Variants in NFATC2IP observed in about 807,000 individuals in gnomAD.
NFATC2IP encodes the protein nuclear factor of activated T cells 2 interacting protein.
Under a neutral mutation model 40.2 loss-of-function variants are expected in NFATC2IP, and 25 were observed. That is an observed-to-expected ratio of 0.62 (90% confidence interval 0.45 to 0.87). The LOEUF (loss-of-function observed/expected upper bound fraction) is 0.87. NFATC2IP is among the 40% of genes least tolerant of loss of function. The pLI is 0.00. For synonymous variants in NFATC2IP, 241 were observed against 236.3 expected (o/e 1.02, Z -0.18); for missense variants, 553 against 555.6 (o/e 1.00, Z 0.05).
intron 2 of NFATC2IP, chr16:28,952,760 T>A (rs938413279): frequency 3.4e-5 from 5 of 147,326 alleles, no homozygotes; most frequent in Admixed American, 2.0e-4. Flanking sequence ...TTTTTTTTTT[T>A]AGACAGAGTT....
chr16:28,963,867 C>T lies in NFATC2IP; in HGVS notation c.*4C>T, dbSNP rs763727813. On this transcript the variant is annotated 3_prime_UTR_variant, in exon 8 of 8. Coordinates refer to ENST00000320805, the MANE Select transcript of NFATC2IP (RefSeq NM_032815.4). ...CCTCATTGAGGTCTGGGGCTGACAC[C>T]CCACTCCCTGTTTGACGGCCCAGCC... 1.2e-6 allele frequency: 2 copies of T among 1,613,736 alleles called. No individual in the cohort carries two copies. The highest frequency in any genetic ancestry group is 1.7e-6 in the Non-Finnish European group (2 of 1,179,774).
intron 2 of NFATC2IP, 31 bp from the exon 3 acceptor site, chr16:28,954,534 C>A: frequency 6.7e-7 from 1 of 1,484,856 alleles, no homozygotes; most frequent in East Asian, 2.3e-5. Flanking sequence ...CTTGGATAAC[C>A]CCCTTCTACC....
intron 5 of NFATC2IP, chr16:28,956,569 G>A (rs1009165682): frequency 3.7e-6 from 2 of 544,154 alleles, no homozygotes; most frequent in Admixed American, 3.3e-5. Flanking sequence ...ATTCTTCAAG[G>A]CTCCTCATAA....
chr16:28,963,420 G>A (rs1221883878), intron 7 of NFATC2IP, among the ~76,000 whole-genome samples: 2 of 152,156 alleles, frequency 1.3e-5, no homozygotes, highest in Admixed American at 6.5e-5. Flanking sequence ...AGGCTAGGAG[G>A]ACTTGCCTGA....
rs769257607 is a variant in NFATC2IP, at chr16:28,951,005, G to C, written c.-7G>C. On this transcript the variant is annotated 5_prime_UTR_variant, in exon 1 of 8. Transcript: ENST00000320805. ...AGGCGGGCGTGTGTTGTGGAGGAAA[G>C]TGTGCCATGGCGGAGCCTGTGGGGA... 2.5e-5 allele frequency: 38 copies of C among 1,498,836 alleles called. No individual in the cohort carries two copies. Among genetic ancestry groups the C allele is most frequent in the Non-Finnish European group, 3.1e-5 (35 of 1,129,110 alleles). The allele number at this position is 1,498,836 out of a possible 1,614,324, so 92.8% of individuals were successfully genotyped here. A position where few individuals can be genotyped will look rare whatever the true frequency, so the allele number is the denominator to read the frequency against.
At chr16:28,954,953 C>G (rs1965005013) in intron 3 of NFATC2IP, among the ~76,000 whole-genome samples, 1 of 152,086 alleles carries the variant, frequency 6.6e-6, no homozygotes, top group African/African-American at 2.4e-5. Context: ...CTTCCCTGTC[C>G]TCTCTGTGCT....
Position 28,951,397 on chromosome 16 carries a change from AG to A in NFATC2IP, c.387+1del. On this transcript the variant is annotated frameshift_variant and splice_region_variant, in exon 1 of 8. Coordinates refer to ENST00000320805, the MANE Select transcript of NFATC2IP (RefSeq NM_032815.4). ...EAPLVPVYSG[K>X]VKSSLRLIPD... ...CCGCTGGTTCCGGTGTACTCGGGGA[AG>A]GTGCGCCCGGTCCCGGGGAGGGGAC... 1 of 1,388,938 alleles carries A rather than the reference AG, an allele frequency of 7.2e-7. No individual in the cohort carries two copies. Among genetic ancestry groups the A allele is most frequent in the South Asian group, 1.7e-5 (1 of 59,772 alleles). 86.0% of individuals were successfully genotyped at this position (1,388,938 alleles called of 1,614,324 possible). A position where few individuals can be genotyped will look rare whatever the true frequency, so the allele number is the denominator to read the frequency against.
Position 28,951,332 on chromosome 16 carries a change from C to T in NFATC2IP, c.321C>T (p.Val107=). Residue 107 remains valine, a synonymous_variant, in exon 1 of 8, where the codon GTC becomes GTT. Coordinates refer to ENST00000320805, the MANE Select transcript of NFATC2IP (RefSeq NM_032815.4). ...RRPAGPPREP[V]RRRRRLVLDP... ...CCGCAGGACCCCCGCGGGAGCCGGT[C>T]AGGCGGCGGCGGCGGCTGGTGCTGG... 1 of 1,402,328 alleles carries T rather than the reference C, an allele frequency of 7.1e-7. No individual in the cohort carries two copies. The highest frequency in any genetic ancestry group is 1.6e-5 in the South Asian group (1 of 62,192). 86.9% of individuals were successfully genotyped at this position (1,402,328 alleles called of 1,614,324 possible).
intron 2 of NFATC2IP, among the ~76,000 whole-genome samples, chr16:28,953,224 G>A (rs910585114): frequency 1.1e-4 from 16 of 151,414 alleles, no homozygotes; most frequent in Admixed American, 4.6e-4. Context: ...ACAGGCGCCC[G>A]CCACCATGTC....
chr16:28,954,700 C>T lies in NFATC2IP; in HGVS notation c.578+18C>T. The T allele has an allele frequency of 6.5e-7, 1 of 1,540,968 alleles. No homozygotes were observed. Among genetic ancestry groups the T allele is most frequent in the Non-Finnish European group, 8.9e-7 (1 of 1,117,464 alleles). ...GAGTTTCTGTGAGTGAGGCCAGGGC[C>T]CTTGGGCCCTGGGAGCAGGAAGTGA... On this transcript the variant is annotated intron_variant, in intron 3 of 7. Transcript: ENST00000320805.
intron 3 of NFATC2IP, among the ~76,000 whole-genome samples, 154 bp downstream of exon 3, chr16:28,954,836 A>C (rs1678361829): frequency 6.6e-6 from 1 of 152,030 alleles, no homozygotes; most frequent in South Asian, 2.1e-4. Flanking sequence ...CGCTTGGGGA[A>C]AAGAGGTGGC....
At chr16:28,963,640 C>G in intron 7 of NFATC2IP, 65 bp from the exon 8 acceptor site, 1 of 1,467,288 alleles carries the variant, frequency 6.8e-7, no homozygotes, top group South Asian at 1.2e-5. Flanking sequence ...AGTTCCTCGT[C>G]TATCCCTACG....
In NFATC2IP at chr16:28,965,463, G is replaced by A. The variant is rs1361894195; in HGVS notation, c.*1600G>A. 2 of 152,130 alleles carry A rather than the reference G, an allele frequency of 1.3e-5. No individual in the cohort carries two copies. The highest frequency in any genetic ancestry group is 2.4e-5 in the African/African-American group (1 of 41,424). The allele number at this position is 152,130 out of a possible 1,614,324, so 9.4% of individuals were successfully genotyped here. The stretch of plus-strand genomic sequence containing the variant: ...TAAAAAGGGGGCTTTGGGAGGCCAA[G>A]GCGGGCAGATCATGAGGGCAGGAGA... On this transcript the variant is annotated 3_prime_UTR_variant, in exon 8 of 8. Transcript: ENST00000320805.
Position 28,966,097 on chromosome 16 carries a change from A to G in NFATC2IP, c.*2234A>G, listed in dbSNP as rs1342983180. On this transcript the variant is annotated 3_prime_UTR_variant, in exon 8 of 8. Transcript: ENST00000320805. ...AATTTTAATGTAGACAGTATGAATT[A>G]TCTTGTTCTGCAGTTGGTTGCTTTT... 1 of 152,170 alleles carries G rather than the reference A, an allele frequency of 6.6e-6. No homozygotes were observed. The highest frequency in any genetic ancestry group is 2.4e-5 in the African/African-American group (1 of 41,436). 9.4% of individuals were successfully genotyped at this position (152,170 alleles called of 1,614,324 possible). A position where few individuals can be genotyped will look rare whatever the true frequency, so the allele number is the denominator to read the frequency against.
Position 28,951,378 on chromosome 16 carries a change from G to T in NFATC2IP, c.367G>T (p.Val123Phe). The change falls in exon 1 of 8, where the codon GTT (valine) becomes TTT (phenylalanine). Residue 123 changes from valine (V) to phenylalanine (F), a missense_variant. Val to Phe is a conservative substitution (Grantham distance 50). Coordinates refer to ENST00000320805, the MANE Select transcript of NFATC2IP (RefSeq NM_032815.4). ...GCTGGATCCGGGGGAGGCGCCGCTG[G>T]TTCCGGTGTACTCGGGGAAGGTGCG... ...LVLDPGEAPL[V>F]PVYSGKVKSS... 1 of 1,404,794 alleles carries T rather than the reference G, an allele frequency of 7.1e-7. No homozygotes were observed. Among genetic ancestry groups the T allele is most frequent in the Non-Finnish European group, 9.2e-7 (1 of 1,081,638 alleles). The allele number at this position is 1,404,794 out of a possible 1,614,324, so 87.0% of individuals were successfully genotyped here.
intron 7 of NFATC2IP, among the ~76,000 whole-genome samples, chr16:28,959,822 C>G (rs1965065230): frequency 6.6e-6 from 1 of 152,140 alleles, no homozygotes. Context: ...CCCACCTTGG[C>G]CTCCCAAAGT....
At chr16:28,961,325 G>GGAAA (rs1491220503) in intron 7 of NFATC2IP, among the ~76,000 whole-genome samples, 1 of 52,210 alleles carries the variant, frequency 1.9e-5, no homozygotes, top group African/African-American at 7.9e-5. Flanking sequence ...GACCCTATCT[G>GGAAA]AAAAAAAAAA....
chr16:28,956,190 G>A lies in NFATC2IP; in HGVS notation c.699G>A (p.Leu233=). The A allele has an allele frequency of 6.2e-7, 1 of 1,614,052 alleles. No homozygotes were observed. Among genetic ancestry groups the A allele is most frequent in the African/African-American group, 1.3e-5 (1 of 75,022 alleles). The change falls in exon 5 of 8, where the codon CTG becomes CTA. Residue 233 remains leucine, a synonymous_variant. Coordinates refer to ENST00000320805, the MANE Select transcript of NFATC2IP (RefSeq NM_032815.4). Reference sequence around the variant, plus strand: ...GCCTCCAGGATCTCCGTTCCTGTCTGAGCCCCAAGCCACCTCAGGGTCAAG... The same window carrying A: ...GCCTCCAGGATCTCCGTTCCTGTCTAAGCCCCAAGCCACCTCAGGGTCAAG... ...NKRLQDLRSC[L]SPKPPQGQEQ...
chr16:28,960,771 G>A (rs963165186), intron 7 of NFATC2IP, among the ~76,000 whole-genome samples: 1 of 152,040 alleles, frequency 6.6e-6, no homozygotes, highest in African/African-American at 2.4e-5. Flanking sequence ...CCATGATTGC[G>A]CCACCTTTAT....
Sources: gnomAD v4.1 joint callset for allele counts (sites outside exome capture counted in the v4.1 genomes callset) on GRCh38, gnomAD v4.1.1 for gene constraint, MANE v1.5 for transcripts, NCBI Gene and HGNC (gene_info 2026-07-23, HGNC 2026-07-21) for gene names.